Variants in LEKR1 observed in about 807,000 individuals in gnomAD.
LEKR1 encodes protein LEKR1.
Under a neutral mutation model 72.4 loss-of-function variants are expected in LEKR1, and 59 were observed. That is an observed-to-expected ratio of 0.82 (90% CI 0.66 to 1.01). LEKR1 has a LOEUF of 1.01. LEKR1 is among the 50% of genes least tolerant of loss of function. The probability of loss-of-function intolerance (pLI) is 0.00; values close to 1 mark genes in which losing one functional copy is unlikely to be tolerated. For missense variants in LEKR1, 728 were observed against 759.2 expected (o/e 0.96, Z 0.48); for synonymous variants, 257 against 263.2 (o/e 0.98, Z 0.23).
Position 156,970,575 on chromosome 3 carries a change from A to G in LEKR1, c.746-8619A>G, listed in dbSNP as rs528432421. 2.0e-5 allele frequency among the ~76,000 whole-genome samples: 3 copies of G among 152,302 alleles called. No individual in the cohort carries two copies. In the South Asian group the frequency reaches 6.2e-4, roughly 32 times the overall value. ...ATTGTCCGTGTTTGCAGATGACATG[A>G]TTGTGTATCTAGAAAACCCCATTGT... On this transcript the variant is annotated intron_variant, in intron 6 of 12. Transcript: ENST00000356539.
In LEKR1 at chr3:157,028,336, T is replaced by C; in HGVS notation, c.1602T>C (p.Asp534=). 5 of 1,613,338 alleles carry C rather than the reference T, an allele frequency of 3.1e-6. No homozygotes were observed. The highest frequency in any genetic ancestry group is 4.2e-6 in the Non-Finnish European group (5 of 1,179,646). ...GGAAGGAAATGGAACAGAAGTCGGATGAACTGAAAAGAGTAATGCTGGCTC... is the reference window on the plus strand; with the variant it reads ...GGAAGGAAATGGAACAGAAGTCGGACGAACTGAAAAGAGTAATGCTGGCTC... ...NLRKEMEQKS[D]ELKRVMLAQT... Residue 534 remains aspartate (D), a synonymous_variant, in exon 12 of 13, where the codon GAT becomes GAC. Transcript: ENST00000356539.
At chr3:156,934,421 G>A (rs1296278307) in intron 5 of LEKR1, among the ~76,000 whole-genome samples, 1 of 152,126 alleles carries the variant, frequency 6.6e-6, no homozygotes, top group African/African-American at 2.4e-5. Flanking sequence ...AGGTTTCTTA[G>A]TAACGCTTAC....
In LEKR1 at chr3:156,977,815, G is replaced by T. The variant is rs146448749; in HGVS notation, c.746-1379G>T. On this transcript the variant is annotated intron_variant, in intron 6 of 12. Transcript: ENST00000356539. ...TTGCCTTCTACAGGAAACGCCACAT[G>T]CTAGTCTGAATGCCTTTGTCTCCCA... The T allele has an allele frequency of 2.9e-3, 642 of 221,200 alleles. 1 individual carries two copies. The highest frequency in any genetic ancestry group is 3.7e-3 in the Non-Finnish European group (379 of 101,764). The allele number at this position is 221,200 out of a possible 1,614,324, so 13.7% of individuals were successfully genotyped here.
intron 6 of LEKR1, among the ~76,000 whole-genome samples, chr3:156,966,611 A>T (rs956735862): frequency 6.6e-6 from 1 of 152,160 alleles, no homozygotes; most frequent in Non-Finnish European, 1.5e-5. Flanking sequence ...AGGCTTGAGT[A>T]GGTAAACAAA....
At chr3:156,832,055 C>A (rs562751927) in intron 2 of LEKR1, among the ~76,000 whole-genome samples, 1 of 152,276 alleles carries the variant, frequency 6.6e-6, no homozygotes, top group African/African-American at 2.4e-5. Flanking sequence ...GGGAGTTGCC[C>A]TCAGGGTAAG....
chr3:157,013,427 A>G (rs1191871276), intron 10 of LEKR1, among the ~76,000 whole-genome samples: 1 of 152,126 alleles, frequency 6.6e-6, no homozygotes, highest in Non-Finnish European at 1.5e-5. Flanking sequence ...CTGACATATG[A>G]AAGCATTTAT....
intron 6 of LEKR1, among the ~76,000 whole-genome samples, chr3:156,976,633 C>T (rs1475263941): frequency 6.6e-6 from 1 of 152,014 alleles, no homozygotes; most frequent in African/African-American, 2.4e-5. Flanking sequence ...TTAAGTATAC[C>T]TCTTTAAGGA....
At chr3:156,851,641 A>C (rs569800038) in intron 2 of LEKR1, among the ~76,000 whole-genome samples, 1 of 152,246 alleles carries the variant, frequency 6.6e-6, no homozygotes, top group Non-Finnish European at 1.5e-5. Flanking sequence ...TTTTACTATT[A>C]AAGTTTAAAG....
chr3:156,973,863 T>C (rs945101971), intron 6 of LEKR1, among the ~76,000 whole-genome samples: 7 of 152,170 alleles, frequency 4.6e-5, no homozygotes, highest in African/African-American at 1.7e-4. Context: ...GAAAAATAGC[T>C]GTTTCTAATG....
At chr3:156,840,984 C>T (rs547741470) in intron 2 of LEKR1, among the ~76,000 whole-genome samples, 8 of 152,312 alleles carry the variant, frequency 5.3e-5, no homozygotes, top group South Asian at 2.1e-4. Context: ...AAAATCTACA[C>T]GAATCAATAG....
In LEKR1 at chr3:157,028,333, G is replaced by T. The variant is rs143529982; in HGVS notation, c.1599G>T (p.Ser533=). ...TGAGGAAGGAAATGGAACAGAAGTC[G>T]GATGAACTGAAAAGAGTAATGCTGG... ...ENLRKEMEQK[S]DELKRVMLAQ... is the part of the protein sequence containing the mutation. Residue 533 remains serine, a synonymous_variant, in exon 12 of 13, where the codon TCG becomes TCT. Transcript: ENST00000356539. The T allele has an allele frequency of 1.9e-6, 3 of 1,613,064 alleles. No homozygotes were observed. The highest frequency in any genetic ancestry group is 2.5e-6 in the Non-Finnish European group (3 of 1,179,592).
chr3:157,003,392 T>G (rs946085837), intron 9 of LEKR1, among the ~76,000 whole-genome samples: 3 of 152,200 alleles, frequency 2.0e-5, no homozygotes, highest in Non-Finnish European at 2.9e-5. Context: ...ACCACAAATT[T>G]AGTGGCTTAA....
At chr3:157,033,522 T>C (rs569964950) in intron 12 of LEKR1, among the ~76,000 whole-genome samples, 1 of 152,266 alleles carries the variant, frequency 6.6e-6, no homozygotes, top group South Asian at 2.1e-4. Flanking sequence ...CTCTCTCCAA[T>C]TGTATGAAGA....
At chr3:156,917,985 G>A (rs1723811655) in intron 3 of LEKR1, among the ~76,000 whole-genome samples, 1 of 152,088 alleles carries the variant, frequency 6.6e-6, no homozygotes, top group Non-Finnish European at 1.5e-5. Context: ...AAGGTGTCAG[G>A]AGAAGAATTA....
chr3:156,899,511 TATAC>T (rs1298778150), intron 3 of LEKR1, among the ~76,000 whole-genome samples: 18 of 115,664 alleles, frequency 1.6e-4, no homozygotes, highest in Non-Finnish European at 2.2e-4. Flanking sequence ...TACATGTATA[TATAC>T]ATACATACAT....
intron 5 of LEKR1, among the ~76,000 whole-genome samples, chr3:156,929,385 G>A (rs1725001706): frequency 6.6e-6 from 1 of 151,752 alleles, no homozygotes; most frequent in East Asian, 1.9e-4. Flanking sequence ...AAAATTCCTG[G>A]GCTAAATGCT....
At chr3:157,027,154 C>G (rs962260361) in intron 11 of LEKR1, among the ~76,000 whole-genome samples, 2 of 151,714 alleles carry the variant, frequency 1.3e-5, no homozygotes, top group African/African-American at 4.8e-5. Context: ...AGAGTATTTA[C>G]ACCATGGAAA....
At chr3:157,033,297 C>G (rs1734748726) in intron 12 of LEKR1, among the ~76,000 whole-genome samples, 1 of 152,128 alleles carries the variant, frequency 6.6e-6, no homozygotes, top group Non-Finnish European at 1.5e-5. Context: ...TGAGATAAGC[C>G]AGAAGCTAAG....
chr3:156,857,628 C>T (rs1716228700), intron 3 of LEKR1, among the ~76,000 whole-genome samples: 1 of 152,032 alleles, frequency 6.6e-6, no homozygotes, highest in African/African-American at 2.4e-5. Flanking sequence ...TGAATGTTTC[C>T]TTTGAAAATT....
Sources: gnomAD v4.1 joint callset for allele counts (sites outside exome capture counted in the v4.1 genomes callset) on GRCh38, gnomAD v4.1.1 for gene constraint, MANE v1.5 for transcripts, NCBI Gene and HGNC (gene_info 2026-07-23, HGNC 2026-07-21) for gene names.